Variants in ESRRG observed in about 807,000 individuals in gnomAD.
The protein encoded by ESRRG is estrogen related receptor gamma, also known as estrogen-related receptor gamma.
In ESRRG, 13 loss-of-function variants were observed where a neutral mutation model predicts 44.0. The ratio of observed to expected loss-of-function variants is 0.30; its 90% CI spans 0.19 to 0.47. ESRRG has a LOEUF of 0.47. Ranked by LOEUF, ESRRG falls within the 20% of genes least tolerant of loss-of-function variation. ESRRG has a pLI of 1.00. For missense variants in ESRRG, 395 were observed against 580.6 expected, an observed-to-expected ratio of 0.68 and a Z score of 3.29; for synonymous variants, 215 against 214.6, an observed-to-expected ratio of 1.00 and a Z score of -0.02.
At chr1:216,831,681 T>C (rs998262885) in intron 2 of ESRRG, among the ~76,000 whole-genome samples, 1 of 152,138 alleles carries the variant, frequency 6.6e-6, no homozygotes, top group Non-Finnish European at 1.5e-5. Flanking sequence ...AAATACAACA[T>C]GATATGCATT....
chr1:216,546,994 A>C, intron 5 of ESRRG, among the ~76,000 whole-genome samples: 1 of 149,746 alleles, frequency 6.7e-6, no homozygotes. Context: ...TGTATGTTCC[A>C]CTCCCTATGT....
chr1:217,064,194 A>C (rs2089193930), intron 1 of ESRRG, among the ~76,000 whole-genome samples: 1 of 146,510 alleles, frequency 6.8e-6, no homozygotes, highest in Non-Finnish European at 1.6e-5. Flanking sequence ...ATATAGGTAT[A>C]TATTGTATGT....
chr1:217,012,787 G>A (rs1465352415), intron 1 of ESRRG, among the ~76,000 whole-genome samples: 1 of 152,146 alleles, frequency 6.6e-6, no homozygotes, highest in East Asian at 1.9e-4. Context: ...GAATATTACT[G>A]TATTATATCC....
intron 5 of ESRRG, among the ~76,000 whole-genome samples, chr1:216,554,557 G>A (rs1253322391): frequency 6.6e-6 from 1 of 151,862 alleles, no homozygotes; most frequent in Admixed American, 6.6e-5. Flanking sequence ...GACTGCTAGA[G>A]CCCAGTAGTT....
chr1:216,926,190 G>A (rs186044135), intron 2 of ESRRG, among the ~76,000 whole-genome samples: 244 of 152,248 alleles, frequency 1.6e-3, no homozygotes, highest in Admixed American at 1.7e-3. Flanking sequence ...CCCTGCCCTC[G>A]AGCTGCTGCT....
intron 2 of ESRRG, among the ~76,000 whole-genome samples, chr1:216,755,143 T>A (rs1195024202): frequency 1.3e-5 from 2 of 152,068 alleles, no homozygotes; most frequent in Non-Finnish European, 2.9e-5. Flanking sequence ...TCTACTGTTT[T>A]CTTTGAATAA....
At chr1:216,934,649 T>C (rs910686393) in intron 2 of ESRRG, among the ~76,000 whole-genome samples, 1 of 152,044 alleles carries the variant, frequency 6.6e-6, no homozygotes, top group Non-Finnish European at 1.5e-5. Flanking sequence ...ATATTAACCA[T>C]CACAAGAATA....
chr1:216,714,271 G>A (rs2084305233), intron 1 of ESRRG, among the ~76,000 whole-genome samples: 1 of 152,126 alleles, frequency 6.6e-6, no homozygotes, highest in African/African-American at 2.4e-5. Flanking sequence ...TACTCTGTAT[G>A]CAAATATGGG....
chr1:216,543,500 C>A (rs1299851950), intron 5 of ESRRG, among the ~76,000 whole-genome samples: 2 of 151,984 alleles, frequency 1.3e-5, no homozygotes, highest in South Asian at 2.1e-4. Context: ...AGGATCCCAG[C>A]AAGCTTCTAA....
At chr1:216,775,257 T>C (rs558238867) in intron 2 of ESRRG, among the ~76,000 whole-genome samples, 1 of 152,224 alleles carries the variant, frequency 6.6e-6, no homozygotes, top group Admixed American at 6.5e-5. Context: ...TTTCCTGGGT[T>C]CTAAGATCGG....
intron 1 of ESRRG, among the ~76,000 whole-genome samples, chr1:216,944,231 A>G (rs2065721444): frequency 6.6e-6 from 1 of 152,184 alleles, no homozygotes; most frequent in Non-Finnish European, 1.5e-5. Context: ...TTCTGATGCA[A>G]ACTCTGACGG....
At chr1:216,648,370 T>C (rs1247468812) in intron 3 of ESRRG, among the ~76,000 whole-genome samples, 1 of 152,046 alleles carries the variant, frequency 6.6e-6, no homozygotes, top group Non-Finnish European at 1.5e-5. Context: ...GAAGTGGGCA[T>C]TAAGAAGTAA....
At chr1:216,662,766 T>C (rs1308332353) in intron 2 of ESRRG, among the ~76,000 whole-genome samples, 1 of 152,178 alleles carries the variant, frequency 6.6e-6, no homozygotes. Flanking sequence ...GGCCAGATTG[T>C]ACATATTTTT....
chr1:217,018,736 G>A (rs574343417), intron 1 of ESRRG, among the ~76,000 whole-genome samples: 2 of 152,036 alleles, frequency 1.3e-5, no homozygotes, highest in Non-Finnish European at 2.9e-5. Context: ...CTCATCCTTT[G>A]TCCATCCTCT....
intron 1 of ESRRG, among the ~76,000 whole-genome samples, chr1:217,034,413 A>G (rs1421816597): frequency 6.6e-6 from 1 of 152,110 alleles, no homozygotes; most frequent in East Asian, 1.9e-4. Flanking sequence ...TTCTTTTGAA[A>G]ATTTTTGGTC....
chr1:216,723,682 G>A (rs1242651675), upstream of ESRRG, among the ~76,000 whole-genome samples: 1 of 152,034 alleles, frequency 6.6e-6, no homozygotes, highest in Non-Finnish European at 1.5e-5. Context: ...CGATTGAAAC[G>A]CTCCCAATAC....
chr1:216,683,239 C>T (rs748215418), intron 1 of ESRRG, among the ~76,000 whole-genome samples: 11 of 152,070 alleles, frequency 7.2e-5, no homozygotes, highest in Admixed American at 5.9e-4. Context: ...GGAAGGAGAT[C>T]ATTAATTGTA....
intron 1 of ESRRG, among the ~76,000 whole-genome samples, chr1:217,036,196 C>T (rs12141987): frequency 0.15 from 23,037 of 152,134 alleles, 2,151 homozygotes; most frequent in Middle Eastern, 0.29. Context: ...AAAGGAAATG[C>T]TTATACACTG....
chr1:217,094,615 A>G (rs1314596559), upstream of ESRRG, among the ~76,000 whole-genome samples: 1 of 152,264 alleles, frequency 6.6e-6, no homozygotes, highest in African/African-American at 2.4e-5. Flanking sequence ...CTTATCTTAC[A>G]TCTGAGTTGT....
Sources: gnomAD v4.1 joint callset for allele counts (sites outside exome capture counted in the v4.1 genomes callset) on GRCh38, gnomAD v4.1.1 for gene constraint, MANE v1.5 for transcripts, NCBI Gene and HGNC (gene_info 2026-07-23, HGNC 2026-07-21) for gene names.